DNAJC15: variants seen among roughly 807,000 people sequenced by gnomAD.
DNAJC15 encodes the protein DnaJ heat shock protein family (Hsp40) member C15.
Under a neutral mutation model 22.4 loss-of-function variants are expected in DNAJC15, and 27 were observed. The ratio of observed to expected loss-of-function variants is 1.20; its 90% CI spans 0.89 to 1.66. DNAJC15 has a LOEUF of 1.66. Among genes scored for constraint, DNAJC15 ranks in the 40% most tolerant of loss-of-function variants. The probability of loss-of-function intolerance (pLI) is 0.00; values close to 1 mark genes in which losing one functional copy is unlikely to be tolerated. For missense variants in DNAJC15, 208 were observed against 187.1 expected, an observed-to-expected ratio of 1.11 and a Z score of -0.65; for synonymous variants, 79 against 63.2, an observed-to-expected ratio of 1.25 and a Z score of -1.19.
chr13:43,106,089 T>C (rs1349285493), intron 5 of DNAJC15, among the ~76,000 whole-genome samples: 1 of 152,170 alleles, frequency 6.6e-6, no homozygotes, highest in Non-Finnish European at 1.5e-5. Flanking sequence ...TTCTTTTCCC[T>C]TCATAAGCTG....
intron 5 of DNAJC15, among the ~76,000 whole-genome samples, chr13:43,099,323 A>G (rs184685881): frequency 2.0e-5 from 3 of 152,312 alleles, no homozygotes; most frequent in Admixed American, 2.0e-4. Flanking sequence ...AGATCATGTC[A>G]CCTATGAATA....
At chr13:43,051,942 G>A (rs896586702) in intron 1 of DNAJC15, among the ~76,000 whole-genome samples, 1 of 151,996 alleles carries the variant, frequency 6.6e-6, no homozygotes, top group Non-Finnish European at 1.5e-5. Flanking sequence ...CCATATCCAT[G>A]CCAACATCTA....
chr13:43,097,749 C>T (rs2040746933), intron 5 of DNAJC15, among the ~76,000 whole-genome samples: 2 of 151,980 alleles, frequency 1.3e-5, no homozygotes, highest in Admixed American at 1.3e-4. Context: ...ACCAGCCTGA[C>T]CAACATGGAG....
At chr13:43,100,374 A>AT (rs1177843387) in intron 5 of DNAJC15, among the ~76,000 whole-genome samples, 1 of 151,536 alleles carries the variant, frequency 6.6e-6, no homozygotes, top group African/African-American at 2.4e-5. Flanking sequence ...TGCTCAGCTA[A>AT]TTTTTTTATT....
chr13:43,044,191 A>C lies in DNAJC15; in HGVS notation c.108+20457A>C, dbSNP rs917823918. On this transcript the variant is annotated intron_variant, in intron 1 of 5. Transcript: ENST00000379221. ...CAAAGAGTTTTCTTTGTGGAGACTG[A>C]ACCTAATAGTAAGACAGCATAAAAC... Among the ~76,000 whole-genome samples the C allele has an allele frequency of 3.3e-5, 5 of 152,298 alleles. No homozygotes were observed. The East Asian group carries it at 9.6e-4, about 29-fold the overall frequency.
At chr13:43,057,265 C>T (rs1186165931) in intron 1 of DNAJC15, among the ~76,000 whole-genome samples, 8 of 152,136 alleles carry the variant, frequency 5.3e-5, no homozygotes, top group Non-Finnish European at 7.4e-5. Context: ...TGTCATTTAA[C>T]GTAATCCCAA....
chr13:43,092,354 T>C (rs1248083013), intron 5 of DNAJC15, among the ~76,000 whole-genome samples: 2 of 152,114 alleles, frequency 1.3e-5, no homozygotes, highest in Non-Finnish European at 2.9e-5. Context: ...ATTTTCAGCC[T>C]TTTTGTATCT....
At chr13:43,077,760 A>G (rs991479003) in intron 3 of DNAJC15, among the ~76,000 whole-genome samples, 1 of 152,198 alleles carries the variant, frequency 6.6e-6, no homozygotes, top group Non-Finnish European at 1.5e-5. Flanking sequence ...TGTCCTCAAC[A>G]TCATTCTTAA....
At chr13:43,054,374 T>C (rs1000397169) in intron 1 of DNAJC15, among the ~76,000 whole-genome samples, 1 of 152,206 alleles carries the variant, frequency 6.6e-6, no homozygotes, top group Non-Finnish European at 1.5e-5. Context: ...ATTTTGTTGT[T>C]GTTATGTCAT....
chr13:43,073,496 T>C (rs1200320856), intron 3 of DNAJC15, among the ~76,000 whole-genome samples: 1 of 150,376 alleles, frequency 6.6e-6, no homozygotes, highest in African/African-American at 2.5e-5. Context: ...GCATGACAGG[T>C]ACCTGGCCTC....
At chr13:43,069,146 A>G (rs780941624) in intron 3 of DNAJC15, 143 bp downstream of exon 3, 167 of 719,334 alleles carry the variant, frequency 2.3e-4, no homozygotes, top group Middle Eastern at 8.1e-4. Flanking sequence ...GAGTTTGTCT[A>G]ATTTACTGGC....
chr13:43,032,515 T>A (rs2040408393), intron 1 of DNAJC15, among the ~76,000 whole-genome samples: 1 of 152,230 alleles, frequency 6.6e-6, no homozygotes, highest in South Asian at 2.1e-4. Flanking sequence ...ATCATTTCCA[T>A]GCTATTGGAG....
chr13:43,075,970 C>T (rs1363243181), intron 3 of DNAJC15, among the ~76,000 whole-genome samples: 1 of 152,132 alleles, frequency 6.6e-6, no homozygotes, highest in East Asian at 1.9e-4. Context: ...CCCCTTACTT[C>T]TTTCCATTTG....
intron 1 of DNAJC15, among the ~76,000 whole-genome samples, chr13:43,029,298 T>C (rs903514257): frequency 1.3e-5 from 2 of 152,234 alleles, no homozygotes; most frequent in Non-Finnish European, 2.9e-5. Context: ...ACGTCTTTCC[T>C]CTCTCCATCA....
chr13:43,027,961 T>C (rs1057167061), intron 1 of DNAJC15, among the ~76,000 whole-genome samples: 5 of 152,174 alleles, frequency 3.3e-5, no homozygotes, highest in African/African-American at 1.2e-4. Context: ...CCGGCCTAAC[T>C]GATTCTTTCC....
intron 4 of DNAJC15, among the ~76,000 whole-genome samples, chr13:43,082,823 A>G (rs547513454): frequency 3.2e-4 from 49 of 151,658 alleles, no homozygotes; most frequent in African/African-American, 1.1e-3. Flanking sequence ...AAAAAATACA[A>G]TGGTTCAGCA....
chr13:43,045,514 C>T (rs769168174), intron 1 of DNAJC15, among the ~76,000 whole-genome samples: 14 of 152,262 alleles, frequency 9.2e-5, no homozygotes, highest in South Asian at 2.1e-4. Context: ...GGATATGTGA[C>T]GGGGTTTCAT....
intron 1 of DNAJC15, among the ~76,000 whole-genome samples, chr13:43,038,101 T>C (rs1485828266): frequency 6.6e-6 from 1 of 152,172 alleles, no homozygotes; most frequent in African/African-American, 2.4e-5. Flanking sequence ...TAAAACACAG[T>C]GATGAATTTT....
intron 1 of DNAJC15, among the ~76,000 whole-genome samples, chr13:43,059,965 CAA>C (rs1189064674): frequency 6.6e-6 from 1 of 152,178 alleles, no homozygotes; most frequent in East Asian, 1.9e-4. Context: ...GGGGCAGAAA[CAA>C]ATCACAATGG....
Sources: gnomAD v4.1 joint callset for allele counts (sites outside exome capture counted in the v4.1 genomes callset) on GRCh38, gnomAD v4.1.1 for gene constraint, MANE v1.5 for transcripts, NCBI Gene and HGNC (gene_info 2026-07-23, HGNC 2026-07-21) for gene names.